The following TENM3 variants were observed in gnomAD, a reference collection of about 807,000 sequenced individuals.
The protein encoded by TENM3 is teneurin-3.
TENM3 carries 63 observed loss-of-function variants against 255.1 expected under a neutral mutation model. The observed-to-expected ratio is 0.25, with a 90% CI of 0.20 to 0.30. TENM3 has a LOEUF of 0.30. Among genes scored for constraint, TENM3 ranks in the 10% least tolerant of loss-of-function variants. TENM3 has a pLI of 1.00. For synonymous variants in TENM3, 1,306 were observed against 1,322.3 expected, an observed-to-expected ratio of 0.99 and a Z score of 0.27; for missense variants, 2,929 against 3,461.1, an observed-to-expected ratio of 0.85 and a Z score of 3.86.
At chr4:181,721,904 G>A in the TENM3 span, among the ~76,000 whole-genome samples, 38 of 152,092 alleles carry the variant, frequency 2.5e-4, no homozygotes, top group Non-Finnish European at 2.4e-4. Context: ...CATTCAGTTA[G>A]GATGTGCTGA....
the TENM3 span, among the ~76,000 whole-genome samples, chr4:181,887,726 T>A: frequency 6.6e-6 from 1 of 152,194 alleles, no homozygotes. Flanking sequence ...ATACATTGGA[T>A]AATTGTATAT....
the TENM3 span, among the ~76,000 whole-genome samples, chr4:181,929,579 G>T: frequency 6.6e-6 from 1 of 151,944 alleles, no homozygotes; most frequent in Non-Finnish European, 1.5e-5. Flanking sequence ...ACACAATAAT[G>T]GTGGGACACT....
At chr4:182,317,567 C>T (rs1762822711) in intron 1 of TENM3, among the ~76,000 whole-genome samples, 1 of 152,106 alleles carries the variant, frequency 6.6e-6, no homozygotes, top group Non-Finnish European at 1.5e-5. Context: ...TTTGGCCTCC[C>T]AAAGTGCTGG....
rs1738549633 is a variant in TENM3, at chr4:182,521,321, A to G, written c.512-79603A>G. Among the ~76,000 whole-genome samples, 4 of 152,244 alleles carry G rather than the reference A, an allele frequency of 2.6e-5. No homozygotes were observed. In the South Asian group the frequency reaches 8.3e-4, roughly 32 times the overall value. ...TATATTTATCAAGATTTGGCTATGTAGACTTTTCCTGAGGGAAGTCTCACA... is the reference window on the plus strand; with the variant it reads ...TATATTTATCAAGATTTGGCTATGTGGACTTTTCCTGAGGGAAGTCTCACA... On this transcript the variant is annotated intron_variant, in intron 3 of 27. Coordinates refer to ENST00000511685, the MANE Select transcript of TENM3 (RefSeq NM_001080477.4).
intron 3 of TENM3, among the ~76,000 whole-genome samples, chr4:182,435,989 G>A (rs1772013939): frequency 6.6e-6 from 1 of 151,800 alleles, no homozygotes; most frequent in African/African-American, 2.4e-5. Context: ...TCTAGGCACA[G>A]GAAAAATAGT....
At chr4:181,478,312 A>G in the TENM3 span, among the ~76,000 whole-genome samples, 1 of 152,234 alleles carries the variant, frequency 6.6e-6, no homozygotes, top group Non-Finnish European at 1.5e-5. Context: ...AGCTATAAAA[A>G]CCAGATTTAA....
intron 1 of TENM3, among the ~76,000 whole-genome samples, chr4:182,295,153 A>C (rs531777920): frequency 6.6e-6 from 1 of 152,034 alleles, no homozygotes; most frequent in Non-Finnish European, 1.5e-5. Context: ...AAATTAATTA[A>C]ATTTCCTGGA....
At position 182,799,808 on chromosome 4, in the gene TENM3, G is replaced by A; in HGVS notation, c.7557G>A (p.Glu2519=). Residue 2519 remains glutamate (E), a synonymous_variant, in exon 28 of 28, where the codon GAG becomes GAA. Transcript: ENST00000511685. The surrounding 1 kb of genome is among the most constrained non-coding windows in gnomAD (Gnocchi z 4.2). Reference sequence around the variant, plus strand: ...CCAACGTGCTCAACATCGCCAACGAGGACTGCATCAAGGTGGCGGCCGTGC... The same window carrying A: ...CCAACGTGCTCAACATCGCCAACGAAGACTGCATCAAGGTGGCGGCCGTGC... ...VQTNVLNIAN[E]DCIKVAAVLN... is the part of the protein sequence containing the mutation. The A allele has an allele frequency of 2.5e-6, 4 of 1,608,314 alleles. No homozygotes were observed. The highest frequency in any genetic ancestry group is 3.4e-6 in the Non-Finnish European group (4 of 1,177,686).
At chr4:182,358,967 T>C (rs1417995375) in intron 3 of TENM3, among the ~76,000 whole-genome samples, 2 of 152,056 alleles carry the variant, frequency 1.3e-5, no homozygotes, top group East Asian at 3.9e-4. Flanking sequence ...CCTGCATCTA[T>C]TGAGATAATC....
chr4:182,619,429 CA>C (rs201157442), intron 4 of TENM3, among the ~76,000 whole-genome samples: 43 of 141,460 alleles, frequency 3.0e-4, no homozygotes, highest in South Asian at 4.5e-4. Flanking sequence ...GTCTCCATCT[CA>C]AAAAAAAAAA....
chr4:182,088,826 T>A, the TENM3 span, among the ~76,000 whole-genome samples: 1 of 142,914 alleles, frequency 7.0e-6, no homozygotes, highest in African/African-American at 2.6e-5. Flanking sequence ...AGAGCGAGAC[T>A]CCATCTCTAA....
chr4:181,810,695 G>A, the TENM3 span, among the ~76,000 whole-genome samples: 4 of 152,144 alleles, frequency 2.6e-5, no homozygotes, highest in South Asian at 2.1e-4. Context: ...ATGTAAACAC[G>A]GATCCACAGG....
chr4:182,193,530 G>T (rs937940135), intron 1 of TENM3, among the ~76,000 whole-genome samples: 1 of 152,140 alleles, frequency 6.6e-6, no homozygotes, highest in Non-Finnish European at 1.5e-5. Flanking sequence ...ACATTTGACC[G>T]GAGGCACATT....
chr4:182,160,419 A>G (rs373556215), intron 1 of TENM3, among the ~76,000 whole-genome samples: 1 of 152,334 alleles, frequency 6.6e-6, no homozygotes, highest in Middle Eastern at 3.4e-3. Flanking sequence ...AAAAATGTCT[A>G]TGGAAATGTT....
At chr4:182,341,708 A>G (rs1428951375) in intron 2 of TENM3, among the ~76,000 whole-genome samples, 1 of 152,234 alleles carries the variant, frequency 6.6e-6, no homozygotes, top group African/African-American at 2.4e-5. Flanking sequence ...TATAGGATAT[A>G]GTTCCAAAGG....
chr4:181,723,355 C>CT, the TENM3 span, among the ~76,000 whole-genome samples: 2 of 151,038 alleles, frequency 1.3e-5, no homozygotes, highest in Admixed American at 6.6e-5. Flanking sequence ...TCTGTGATGG[C>CT]TTTTTTTATT....
chr4:181,508,429 A>C, the TENM3 span, among the ~76,000 whole-genome samples: 1 of 152,276 alleles, frequency 6.6e-6, no homozygotes, highest in African/African-American at 2.4e-5. Flanking sequence ...AATGATCAGC[A>C]GCTGACATTA....
In TENM3 at chr4:182,800,272, C is replaced by T; in HGVS notation, c.8021C>T (p.Ser2674Leu). The change falls in exon 28 of 28, where the codon TCG (serine) becomes TTG (leucine). Residue 2674 changes from serine (S) to leucine (L), a missense_variant. This residue lies in a region of TENM3 where 476 missense variants were observed against 480.1 expected (regional missense o/e 0.99). Transcript: ENST00000511685. ...VQGYDGYYVL[S>L]VEQYPELADS... ...GGCTACGACGGGTACTACGTACTCTCGGTGGAGCAGTACCCCGAGCTGGCC... is the reference window on the plus strand; with the variant it reads ...GGCTACGACGGGTACTACGTACTCTTGGTGGAGCAGTACCCCGAGCTGGCC... 1.9e-6 allele frequency: 3 copies of T among 1,593,996 alleles called. No individual in the cohort carries two copies. Among genetic ancestry groups the T allele is most frequent in the Non-Finnish European group, 2.5e-6 (3 of 1,178,370 alleles).
Position 182,549,665 on chromosome 4 carries a change from C to T in TENM3, c.512-51259C>T, listed in dbSNP as rs988462858. Among the ~76,000 whole-genome samples, 11 of 152,262 alleles carry T rather than the reference C, an allele frequency of 7.2e-5. No homozygotes were observed. The East Asian group carries it at 1.9e-3, about 27-fold the overall frequency. On this transcript the variant is annotated intron_variant, in intron 3 of 27. Transcript: ENST00000511685. The stretch of plus-strand genomic sequence containing the variant: ...AGTGTTTTCTTTGCTTAATTTTCTC[C>T]ACCTTTGAGATCCTTTCAGAAGTAT...
Sources: allele counts gnomAD v4.1 joint callset (sites outside exome capture counted in the v4.1 genomes callset), GRCh38; gene constraint gnomAD v4.1.1; regional missense constraint gnomAD v4.1.1; non-coding constraint Gnocchi (gnomAD v3.1); transcripts MANE v1.5; gene names NCBI Gene and HGNC (gene_info 2026-07-23, HGNC 2026-07-21).